The following MIA2 variants were observed in gnomAD, a reference collection of about 807,000 sequenced individuals.
MIA2 encodes melanoma inhibitory activity protein 2.
MIA2 carries 127 observed loss-of-function variants against 167.8 expected under a neutral mutation model. That is an observed-to-expected ratio of 0.76 (90% CI 0.66 to 0.88). The LOEUF (loss-of-function observed/expected upper bound fraction) is 0.88. Ranked by LOEUF, MIA2 falls within the 40% of genes least tolerant of loss-of-function variation. The pLI, the probability that MIA2 is intolerant of heterozygous loss-of-function variation, is 0.00. For missense variants in MIA2, 1,690 were observed against 1,624.7 expected (o/e 1.04, Z -0.69); for synonymous variants, 552 against 541.9 (o/e 1.02, Z -0.26).
At chr14:39,302,744 T>G (rs2082635) in intron 15 of MIA2, among the ~76,000 whole-genome samples, 83,235 of 152,008 alleles carry the variant, frequency 0.55, 24,521 homozygotes, top group South Asian at 0.67. Context: ...GTGGCCAAAT[T>G]TAGTTTCACT....
At chr14:39,306,381 G>A (rs549300640) in intron 17 of MIA2, among the ~76,000 whole-genome samples, 5 of 152,286 alleles carry the variant, frequency 3.3e-5, no homozygotes, top group African/African-American at 1.2e-4. Context: ...CATGGTGGAA[G>A]GTGAAGGGGT....
chr14:39,311,836 GT>G (rs34526208), intron 18 of MIA2, among the ~76,000 whole-genome samples: 2 of 96,646 alleles, frequency 2.1e-5, no homozygotes, highest in African/African-American at 3.8e-5. Context: ...GTGTGTGTGT[GT>G]TTTTTTTTTT....
intron 27 of MIA2, among the ~76,000 whole-genome samples, chr14:39,348,299 G>A (rs1425319025): frequency 6.6e-6 from 1 of 152,150 alleles, no homozygotes; most frequent in Non-Finnish European, 1.5e-5. Flanking sequence ...TTGCAGACTA[G>A]GAGTTTGAGT....
intron 23 of MIA2, among the ~76,000 whole-genome samples, chr14:39,362,846 T>A (rs527744719): frequency 6.6e-6 from 1 of 152,334 alleles, no homozygotes; most frequent in African/African-American, 2.4e-5. Context: ...CTGCTTTTGT[T>A]GTATTACATG....
chr14:39,328,485 C>T (rs148632447), intron 25 of MIA2, among the ~76,000 whole-genome samples: 1,976 of 152,250 alleles, frequency 0.013, 83 homozygotes, highest in Admixed American at 0.085. Flanking sequence ...TCTCATGTGT[C>T]AATTTTGGCT....
At chr14:39,283,839 T>C (rs1271127902) in intron 9 of MIA2, among the ~76,000 whole-genome samples, 1 of 152,242 alleles carries the variant, frequency 6.6e-6, no homozygotes, top group Admixed American at 6.5e-5. Context: ...TTTGCCTGTT[T>C]TTAAATCAGG....
At chr14:39,380,875 T>C (rs1268877359) in intron 23 of MIA2, among the ~76,000 whole-genome samples, 1 of 152,040 alleles carries the variant, frequency 6.6e-6, no homozygotes, top group Admixed American at 6.5e-5. Flanking sequence ...GAGAAAGATA[T>C]CATGGGCCTA....
chr14:39,356,897 T>C lies in MIA2; in HGVS notation c.2248+7920T>C, dbSNP rs140374438. Among the ~76,000 whole-genome samples the C allele has an allele frequency of 9.2e-3, 1,401 of 152,356 alleles. 25 individuals are homozygous for C. Among genetic ancestry groups the C allele is most frequent in the African/African-American group, 0.032 (1,332 of 41,580 alleles). On this transcript the variant is annotated intron_variant, in intron 23 of 23. Coordinates refer to the MIA2 transcript ENST00000341502. ...TTCTTAATCCTGAGTTCTAGTTTGA[T>C]TGCACTGTGGTCTGAGAGAAAGTTT...
chr14:39,290,953 A>G, intron 9 of MIA2, 66 bp from the exon 10 acceptor site: 2 of 1,354,418 alleles, frequency 1.5e-6, no homozygotes. Context: ...CTTCTTAGGC[A>G]TCTATCCAGA....
At chr14:39,259,738 T>C (rs1484644131) in intron 6 of MIA2, among the ~76,000 whole-genome samples, 4 of 147,184 alleles carry the variant, frequency 2.7e-5, no homozygotes, top group Admixed American at 1.4e-4. Flanking sequence ...CTTTAAGTTC[T>C]AGGGTACATG....
Position 39,263,691 on chromosome 14 carries a change from G to C in MIA2, c.1887+10520G>C, listed in dbSNP as rs972477363. On this transcript the variant is annotated intron_variant, in intron 6 of 28. Transcript: ENST00000640607. ...CAGTCACCGAGGCTGGAGTGCAGTGGTGTGATCTCAGCTCACTGCAATCTC... is the reference window on the plus strand; with the variant it reads ...CAGTCACCGAGGCTGGAGTGCAGTGCTGTGATCTCAGCTCACTGCAATCTC... 2.7e-5 allele frequency among the ~76,000 whole-genome samples: 4 copies of C among 147,366 alleles called. No individual in the cohort carries two copies. In the East Asian group the frequency reaches 8.0e-4, roughly 29 times the overall value.
chr14:39,315,600 C>T, intron 20 of MIA2, 83 bp from the exon 21 acceptor site: 2 of 1,021,498 alleles, frequency 2.0e-6, no homozygotes, highest in Non-Finnish European at 3.0e-6. Flanking sequence ...TTGAGTTGTG[C>T]ACTACATCAT....
At chr14:39,371,947 A>G (rs1329061122) in intron 23 of MIA2, among the ~76,000 whole-genome samples, 2 of 151,958 alleles carry the variant, frequency 1.3e-5, no homozygotes, top group Non-Finnish European at 2.9e-5. Context: ...GAAGGGGGAG[A>G]GAGTCCTTTT....
At chr14:39,239,468 C>G (rs1483141588) in intron 2 of MIA2, among the ~76,000 whole-genome samples, 1 of 152,064 alleles carries the variant, frequency 6.6e-6, no homozygotes. Context: ...GGCAGGAGGA[C>G]AGCTTGAGCC....
intron 6 of MIA2, among the ~76,000 whole-genome samples, chr14:39,273,025 A>G (rs1209839779): frequency 6.6e-6 from 1 of 152,176 alleles, no homozygotes; most frequent in Non-Finnish European, 1.5e-5. Flanking sequence ...TGAACTTAAT[A>G]GCTCTGATAG....
Position 39,254,654 on chromosome 14 carries a change from A to G in MIA2, c.1887+1483A>G, listed in dbSNP as rs142007235. Among the ~76,000 whole-genome samples the G allele has an allele frequency of 3.2e-3, 493 of 152,326 alleles. 2 individuals are homozygous for G. The highest frequency in any genetic ancestry group is 0.011 in the African/African-American group (460 of 41,570). ...TAAAGGTACTACTTGCCTTCAGCCT[A>G]GTTTCCCAGATACTCTGATTTTCAA... On this transcript the variant is annotated intron_variant, in intron 6 of 28. Transcript: ENST00000640607.
rs546235946 is a variant in MIA2 at position 39,356,600 on chromosome 14, T to G, written c.2248+7623T>G. Among the ~76,000 whole-genome samples, 7 of 152,332 alleles carry G rather than the reference T, an allele frequency of 4.6e-5. No individual in the cohort carries two copies. The South Asian group carries it at 8.3e-4, about 18-fold the overall frequency. ...CTTATTTCTTGCCGTCTGCTGGCTT[T>G]TGAATGTGTTTGCTCTTCTCTAGTT... is the stretch of plus-strand genomic sequence containing the variant. On this transcript the variant is annotated intron_variant, in intron 23 of 23. Transcript: ENST00000341502.
At chr14:39,359,993 T>G (rs1484219838) in intron 23 of MIA2, among the ~76,000 whole-genome samples, 1 of 1,496 alleles carries the variant, frequency 6.7e-4, no homozygotes, top group Non-Finnish European at 1.6e-3. Flanking sequence ...CTGCAGCATG[T>G]TTTTTTTTTT....
chr14:39,293,291 C>A lies in MIA2; in HGVS notation c.2229C>A (p.Asn743Lys), dbSNP rs375487092. The A allele has an allele frequency of 1.7e-5, 28 of 1,611,204 alleles. No homozygotes were observed. In the African/African-American group the frequency reaches 3.1e-4, roughly 18 times the overall value. ...QSLEATCEKL[N>K]RSNSELEDEI... is the part of the protein sequence containing the mutation. ...CTTAGGCAACCTGTGAAAAGCTGAACAGGTCCAATTCTGAACTTGAGGATG... is the reference window on the plus strand; with the variant it reads ...CTTAGGCAACCTGTGAAAAGCTGAAAAGGTCCAATTCTGAACTTGAGGATG... The change falls in exon 11 of 29, where the codon AAC (asparagine) becomes AAA (lysine). Residue 743 changes from asparagine (N) to lysine (K), a missense_variant. Physicochemically the swap from Asn to Lys is moderately conservative, Grantham distance 94. Coordinates refer to ENST00000640607, the MANE Select transcript of MIA2 (RefSeq NM_001329214.4).
Sources: allele counts gnomAD v4.1 joint callset (sites outside exome capture counted in the v4.1 genomes callset), GRCh38; gene constraint gnomAD v4.1.1; transcripts MANE v1.5; gene names NCBI Gene and HGNC (gene_info 2026-07-23, HGNC 2026-07-21).